Variants in CDC5L observed in about 807,000 individuals in gnomAD.
CDC5L encodes the protein cell division cycle 5 like, also known as cell division cycle 5-like protein.
CDC5L carries 18 observed loss-of-function variants against 104.1 expected under a neutral mutation model. The observed-to-expected ratio is 0.17, with a 90% confidence interval of 0.12 to 0.26. The LOEUF (loss-of-function observed/expected upper bound fraction) is 0.26, where lower values mean the gene tolerates loss of function less well. Among genes scored for constraint, CDC5L ranks in the 10% least tolerant of loss-of-function variants. The pLI, the probability that CDC5L is intolerant of heterozygous loss-of-function variation, is 1.00. For synonymous variants in CDC5L, 331 were observed against 322.7 expected, an observed-to-expected ratio of 1.03 and a Z score of -0.28; for missense variants, 673 against 956.9, an observed-to-expected ratio of 0.70 and a Z score of 3.91.
rs1373897318 is a variant in CDC5L, at chr6:44,388,135, C to T, written c.45+267C>T. Among the ~76,000 whole-genome samples, 7 of 30,190 alleles carry T rather than the reference C, an allele frequency of 2.3e-4. No individual in the cohort carries two copies. In the Admixed American group the frequency reaches 2.7e-3, roughly 12 times the overall value. 19.8% of individuals were successfully genotyped at this position (30,190 alleles called of 152,430 possible). A position where few individuals can be genotyped will look rare whatever the true frequency, so the allele number is the denominator to read the frequency against. ...GTGAACATTTGTTGACTTGAATACG[C>T]CCCCTCCCACCCCGCCCCCCCGCCC... is the stretch of plus-strand genomic sequence containing the variant. On this transcript the variant is annotated intron_variant, in intron 1 of 15. Transcript: ENST00000371477.
chr6:44,400,075 T>A (rs1232651929), intron 5 of CDC5L, among the ~76,000 whole-genome samples: 4 of 152,214 alleles, frequency 2.6e-5, no homozygotes, highest in African/African-American at 4.8e-5. Flanking sequence ...TTTTAAGCAT[T>A]TCTGTCTCTT....
At chr6:44,390,801 C>A (rs1790553393) in intron 2 of CDC5L, among the ~76,000 whole-genome samples, 1 of 151,318 alleles carries the variant, frequency 6.6e-6, no homozygotes, top group African/African-American at 2.4e-5. Context: ...TAAATAATGG[C>A]TAATTTTCTA....
intron 1 of CDC5L, among the ~76,000 whole-genome samples, chr6:44,389,237 C>T (rs537842370): frequency 1.3e-5 from 2 of 151,998 alleles, no homozygotes; most frequent in Non-Finnish European, 2.9e-5. Flanking sequence ...ATGAAAACTG[C>T]CTCAGCTTCC....
rs1290993432 is a variant in CDC5L at position 44,408,524 on chromosome 6, C to A, written c.984C>A (p.Gly328=). 2 of 1,613,834 alleles carry A rather than the reference C, an allele frequency of 1.2e-6. No homozygotes were observed. The highest frequency in any genetic ancestry group is 2.2e-5 in the South Asian group (2 of 91,062). The part of the protein sequence containing the change: ...EIARQTAEES[G]ITNSASSTLL... ...CACGTCAAACTGCCGAGGAATCTGG[C>A]ATAACAAATTCTGCTTCCAGTACAC... The change falls in exon 8 of 16, where the codon GGC becomes GGA. Residue 328 remains glycine (G), a synonymous_variant. Transcript: ENST00000371477.
chr6:44,448,279 CGTT>C lies in CDC5L; in HGVS notation c.*1571_*1573del, dbSNP rs771809080. On this transcript the variant is annotated 3_prime_UTR_variant, in exon 16 of 16. Transcript: ENST00000371477. ...AATGGCATTTCTGTATATAAGACCTCGTTGTATAGAGCCACATAAATAAGGCTA... is the reference window on the plus strand; with the variant it reads ...AATGGCATTTCTGTATATAAGACCTCGTATAGAGCCACATAAATAAGGCTA... The C allele has an allele frequency of 1.3e-5, 2 of 152,078 alleles. No individual in the cohort carries two copies. Among genetic ancestry groups the C allele is most frequent in the South Asian group, 2.1e-4 (1 of 4,818 alleles). 9.4% of individuals were successfully genotyped at this position (152,078 alleles called of 1,614,324 possible).
chr6:44,444,485 A>G (rs1793355772), intron 14 of CDC5L, among the ~76,000 whole-genome samples: 1 of 152,096 alleles, frequency 6.6e-6, no homozygotes, highest in Non-Finnish European at 1.5e-5. Context: ...GTGCTGGGGG[A>G]AAGGCTCAGG....
intron 8 of CDC5L, among the ~76,000 whole-genome samples, chr6:44,409,466 C>G (rs1791533158): frequency 6.6e-6 from 1 of 152,184 alleles, no homozygotes; most frequent in Non-Finnish European, 1.5e-5. Flanking sequence ...CATTGCTAAA[C>G]CATGAATTAC....
intron 9 of CDC5L, among the ~76,000 whole-genome samples, chr6:44,420,724 T>G (rs1792132063): frequency 6.6e-6 from 1 of 152,206 alleles, no homozygotes; most frequent in South Asian, 2.1e-4. Flanking sequence ...GTTTCAGATT[T>G]TGAATTTCCT....
At chr6:44,426,292 G>C in intron 12 of CDC5L, 109 bp downstream of exon 12, 1 of 816,318 alleles carries the variant, frequency 1.2e-6, no homozygotes, top group Non-Finnish European at 1.9e-6. Context: ...CTACTTTCTG[G>C]AATATAGCAA....
chr6:44,395,134 G>A (rs969078861), intron 4 of CDC5L, among the ~76,000 whole-genome samples: 7 of 152,156 alleles, frequency 4.6e-5, no homozygotes, highest in East Asian at 1.9e-4. Context: ...GTGGGAGAGC[G>A]GGATTAAGAG....
At chr6:44,411,702 T>A (rs983229650) in intron 8 of CDC5L, among the ~76,000 whole-genome samples, 2 of 151,544 alleles carry the variant, frequency 1.3e-5, no homozygotes, top group Non-Finnish European at 2.9e-5. Context: ...CTTTTTCTTC[T>A]CATTTTATAT....
rs1793234037 is a variant in CDC5L, at chr6:44,442,358, TTGTGTGTGTGTGTATGTTG to T, written c.2092-3283_2092-3265del. ...CTTTGTTCTATTCCTCCTCTCTTGC[TTGTGTGTGTGTGTATGTTG>T]TGTGTGTGTGTGTGTGTGTGTGTGT... On this transcript the variant is annotated intron_variant, in intron 14 of 15. Coordinates refer to ENST00000371477, the MANE Select transcript of CDC5L (RefSeq NM_001253.4). Among the ~76,000 whole-genome samples, 3 of 148,566 alleles carry T rather than the reference TTGTGTGTGTGTGTATGTTG, an allele frequency of 2.0e-5. No individual in the cohort carries two copies. The East Asian group carries it at 5.9e-4, about 29-fold the overall frequency.
At chr6:44,390,416 TATG>T in intron 2 of CDC5L, 45 bp downstream of exon 2, 1 of 1,182,696 alleles carries the variant, frequency 8.5e-7, no homozygotes, top group South Asian at 1.3e-5. Flanking sequence ...GGAGCTTAAT[TATG>T]ATGATGGAAA....
At chr6:44,426,358 A>G (rs945610797) in intron 12 of CDC5L, 124 bp from the exon 13 acceptor site, 1 of 788,500 alleles carries the variant, frequency 1.3e-6, no homozygotes, top group African/African-American at 1.8e-5. Flanking sequence ...AAGAATTTAG[A>G]AGGAAAAAAA....
chr6:44,411,637 A>AGAGAGAGAGTGTGTGTGTGTGTGT, intron 8 of CDC5L, among the ~76,000 whole-genome samples: 9 of 123,746 alleles, frequency 7.3e-5, no homozygotes, highest in South Asian at 7.6e-4. Context: ...AGAGAGAGAG[A>AGAGAGAGAGTGTGTGTGTGTGTGT]GTGTGTGTGT....
In CDC5L at chr6:44,387,771, A is replaced by T; in HGVS notation, c.-53A>T. 6.7e-7 allele frequency: 1 copy of T among 1,501,500 alleles called. No individual in the cohort carries two copies. Among genetic ancestry groups the T allele is most frequent in the Non-Finnish European group, 9.1e-7 (1 of 1,102,070 alleles). 93.0% of individuals were successfully genotyped at this position (1,501,500 alleles called of 1,614,324 possible). ...TGAGTCCGGTGGCCCAATCGCTGTTACTACTTCTCTGAAGCTCCTCTCGGC... is the reference window on the plus strand; with the variant it reads ...TGAGTCCGGTGGCCCAATCGCTGTTTCTACTTCTCTGAAGCTCCTCTCGGC... On this transcript the variant is annotated 5_prime_UTR_variant, in exon 1 of 16. Coordinates refer to ENST00000371477, the MANE Select transcript of CDC5L (RefSeq NM_001253.4).
At chr6:44,433,817 G>A (rs1174069038) in intron 14 of CDC5L, among the ~76,000 whole-genome samples, 1 of 152,132 alleles carries the variant, frequency 6.6e-6, no homozygotes, top group Admixed American at 6.5e-5. Flanking sequence ...CTGCACAGTA[G>A]ATCTCATTTT....
intron 14 of CDC5L, among the ~76,000 whole-genome samples, chr6:44,435,881 A>G (rs1792912191): frequency 6.6e-6 from 1 of 151,638 alleles, no homozygotes; most frequent in African/African-American, 2.4e-5. Context: ...TCCAGGGTTC[A>G]AGCAATTCTC....
At position 44,447,694 on chromosome 6, in the gene CDC5L, TAGAG is replaced by T. The variant is rs372649780; in HGVS notation, c.*989_*992del. On this transcript the variant is annotated 3_prime_UTR_variant, in exon 16 of 16. Transcript: ENST00000371477. Reference sequence around the variant, plus strand: ...GAATGTATACCCTGTGCCAGAGTCTTAGAGAGAGAACAACAAACAAAATAGGCCT... The same window carrying T: ...GAATGTATACCCTGTGCCAGAGTCTTAGAGAACAACAAACAAAATAGGCCT... 8 of 152,310 alleles carry T rather than the reference TAGAG, an allele frequency of 5.3e-5. No homozygotes were observed. The South Asian group carries it at 6.2e-4, about 12-fold the overall frequency. The allele number at this position is 152,310 out of a possible 1,614,324, so 9.4% of individuals were successfully genotyped here.
Sources: gnomAD v4.1 joint callset for allele counts (sites outside exome capture counted in the v4.1 genomes callset) on GRCh38, gnomAD v4.1.1 for gene constraint, MANE v1.5 for transcripts, NCBI Gene and HGNC (gene_info 2026-07-23, HGNC 2026-07-21) for gene names.